Variants in GPR89A observed in about 807,000 individuals in gnomAD.
GPR89A encodes the protein golgi pH regulator A.
A neutral mutation model predicts 52.0 loss-of-function variants in GPR89A; 16 were observed. The ratio of observed to expected loss-of-function variants is 0.31; its 90% CI spans 0.21 to 0.47. The LOEUF (loss-of-function observed/expected upper bound fraction) is 0.47. GPR89A is among the 20% of genes least tolerant of loss of function. The pLI is 1.00. For missense variants in GPR89A, 135 were observed against 449.4 expected (o/e 0.30, Z 6.33); for synonymous variants, 55 against 150.9 (o/e 0.36, Z 4.66).
At chr1:145,665,539 AT>A in intron 11 of GPR89A, 22 bp from the exon 12 acceptor site, 2 of 1,235,332 alleles carry the variant, frequency 1.6e-6, no homozygotes, top group Non-Finnish European at 2.4e-6. Flanking sequence ...TTTAGCAGAT[AT>A]TTTTTCTTGT....
In GPR89A at chr1:145,658,566, C is replaced by G. The variant is rs868980369; in HGVS notation, c.910-4763C>G. Among the ~76,000 whole-genome samples the G allele has an allele frequency of 4.7e-3, 694 of 147,290 alleles. 6 individuals carry two copies. Among genetic ancestry groups the G allele is most frequent in the African/African-American group, 0.016 (654 of 39,834 alleles). ...ATCGCTTGAGCCTGGGAAGTTGAAG[C>G]TGCAGTGAGCCGTGATTGTGCCACC... On this transcript the variant is annotated intron_variant, in intron 10 of 13. Coordinates refer to ENST00000313835, the MANE Select transcript of GPR89A (RefSeq NM_001097612.2).
At chr1:145,652,178 C>T (rs1306046265) in intron 10 of GPR89A, among the ~76,000 whole-genome samples, 4 of 139,130 alleles carry the variant, frequency 2.9e-5, no homozygotes, top group Non-Finnish European at 4.7e-5. Flanking sequence ...CCATCAATAC[C>T]TAGTTTATTG....
At chr1:145,627,659 T>A (rs1169466011) in intron 5 of GPR89A, among the ~76,000 whole-genome samples, 1 of 152,114 alleles carries the variant, frequency 6.6e-6, no homozygotes, top group Non-Finnish European at 1.5e-5. Flanking sequence ...GTCTTGTGGG[T>A]GGAACTAGAC....
chr1:145,655,955 C>A (rs1651780227), intron 10 of GPR89A, among the ~76,000 whole-genome samples: 1 of 151,886 alleles, frequency 6.6e-6, no homozygotes, highest in Non-Finnish European at 1.5e-5. Context: ...CCAGGGAGAT[C>A]AGTTCTGCTC....
chr1:145,645,910 A>G, intron 8 of GPR89A: 1 of 552,986 alleles, frequency 1.8e-6, no homozygotes, highest in Non-Finnish European at 3.2e-6. Flanking sequence ...AACTAGTTAA[A>G]TCAAAAAACA....
chr1:145,632,202 GC>G (rs1201133368), intron 7 of GPR89A, among the ~76,000 whole-genome samples: 12 of 151,986 alleles, frequency 7.9e-5, no homozygotes, highest in Non-Finnish European at 1.8e-4. Flanking sequence ...ATTAAATCAA[GC>G]TAATTAACAT....
chr1:145,654,311 T>C (rs1651662904), intron 10 of GPR89A, among the ~76,000 whole-genome samples: 1 of 152,066 alleles, frequency 6.6e-6, no homozygotes, highest in East Asian at 1.9e-4. Flanking sequence ...CCCAGCACTT[T>C]GGGAGGCCGA....
chr1:145,653,979 G>A (rs1392656430), intron 10 of GPR89A, among the ~76,000 whole-genome samples: 7 of 151,902 alleles, frequency 4.6e-5, no homozygotes, highest in Non-Finnish European at 8.8e-5. Flanking sequence ...GGTTAAAATT[G>A]TTATGTGTGA....
At chr1:145,610,684 C>T (rs1648202349) in intron 1 of GPR89A, among the ~76,000 whole-genome samples, 1 of 152,168 alleles carries the variant, frequency 6.6e-6, no homozygotes, top group Non-Finnish European at 1.5e-5. Context: ...TTATAAACTC[C>T]TTGAGAGTAG....
At chr1:145,642,545 A>G (rs1470303878) in intron 7 of GPR89A, among the ~76,000 whole-genome samples, 4 of 152,178 alleles carry the variant, frequency 2.6e-5, no homozygotes, top group Non-Finnish European at 5.9e-5. Context: ...CATGGCTGAC[A>G]TTCTTTCTTG....
rs1652491163 is a variant in GPR89A, at chr1:145,665,450, A to G, written c.1006-112A>G. 7 of 1,416,432 alleles carry G rather than the reference A, an allele frequency of 4.9e-6. No homozygotes were observed. The South Asian group carries it at 8.1e-5, about 16-fold the overall frequency. The allele number at this position is 1,416,432 out of a possible 1,614,324, so 87.7% of individuals were successfully genotyped here. On this transcript the variant is annotated intron_variant, in intron 11 of 13. Transcript: ENST00000313835. ...TCTCCCTTAAGAAAAAAAATCAGGT[A>G]GGGTCTAATAAAGCTCCCTCTCACA... is the stretch of plus-strand genomic sequence containing the variant.
rs1651361215 is a variant in GPR89A at position 145,650,321 on chromosome 1, CT to C, written c.909+3059del. On this transcript the variant is annotated intron_variant, in intron 10 of 13. Transcript: ENST00000313835. The stretch of plus-strand genomic sequence containing the variant: ...CCCTGCAAAGGACATGATCTCATTC[CT>C]TTTTATGGCAGTATAGTATTCCATG... Among the ~76,000 whole-genome samples the C allele has an allele frequency of 2.7e-5, 4 of 150,380 alleles. No homozygotes were observed. In the Admixed American group the frequency reaches 2.7e-4, roughly 10 times the overall value.
intron 1 of GPR89A, among the ~76,000 whole-genome samples, chr1:145,610,865 G>A (rs1407050420): frequency 6.6e-6 from 1 of 151,738 alleles, no homozygotes; most frequent in African/African-American, 2.4e-5. Flanking sequence ...TTTAACAGTA[G>A]CTAATTTTCA....
intron 1 of GPR89A, among the ~76,000 whole-genome samples, chr1:145,614,235 C>G (rs1308570655): frequency 1.3e-5 from 2 of 152,118 alleles, no homozygotes; most frequent in African/African-American, 2.4e-5. Flanking sequence ...ATTAAAACTT[C>G]CTTCGGCTCG....
chr1:145,612,481 G>A (rs1648368521), intron 1 of GPR89A, among the ~76,000 whole-genome samples: 1 of 151,966 alleles, frequency 6.6e-6, no homozygotes, highest in South Asian at 2.1e-4. Flanking sequence ...TTAAAAAAAA[G>A]CACAGATTTT....
intron 1 of GPR89A, 109 bp downstream of exon 1, chr1:145,608,284 G>C: frequency 6.9e-7 from 1 of 1,457,860 alleles, no homozygotes. Flanking sequence ...TCTCTTACGC[G>C]TCCTGCGCTA....
chr1:145,649,279 G>C (rs1191988819), intron 10 of GPR89A, among the ~76,000 whole-genome samples: 1 of 151,844 alleles, frequency 6.6e-6, no homozygotes, highest in Non-Finnish European at 1.5e-5. Context: ...GAGATTCCTG[G>C]TGTCCCTTTG....
chr1:145,665,843 A>G (rs1406721272), intron 12 of GPR89A, among the ~76,000 whole-genome samples, 192 bp downstream of exon 12: 37 of 147,166 alleles, frequency 2.5e-4, no homozygotes, highest in African/African-American at 8.5e-4. Flanking sequence ...AAATACAACA[A>G]ATTAGCTGGG....
chr1:145,616,547 A>T lies in GPR89A; in HGVS notation c.102+254A>T, dbSNP rs1451073856. 2.0e-5 allele frequency among the ~76,000 whole-genome samples: 3 copies of T among 152,066 alleles called. No homozygotes were observed. The East Asian group carries it at 5.8e-4, about 29-fold the overall frequency. ...TCATATCAGGATATGTACCAATAGC[A>T]AATAGTTATTCTGTAGGAGAGAATT... On this transcript the variant is annotated intron_variant, in intron 2 of 13. Transcript: ENST00000313835.
Sources: gnomAD v4.1 joint callset for allele counts (sites outside exome capture counted in the v4.1 genomes callset) on GRCh38, gnomAD v4.1.1 for gene constraint, MANE v1.5 for transcripts, NCBI Gene and HGNC (gene_info 2026-07-23, HGNC 2026-07-21) for gene names.